The following CHLSN variants were observed in gnomAD, a reference collection of about 807,000 sequenced individuals.
CHLSN encodes protein cholesin.
chr7:1,009,918 G>C, the CHLSN span: 1 of 1,500,996 alleles, frequency 6.7e-7, no homozygotes, highest in East Asian at 2.5e-5. Context: ...ACGCACGTCC[G>C]GGACAGAACC....
the CHLSN span, among the ~76,000 whole-genome samples, chr7:1,071,158 C>G: frequency 1.3e-5 from 2 of 152,238 alleles, no homozygotes; most frequent in South Asian, 4.1e-4. Flanking sequence ...CGCGGCTGTT[C>G]AAGCAAAGCC....
the CHLSN span, among the ~76,000 whole-genome samples, chr7:1,038,261 G>C: frequency 1.3e-3 from 127 of 95,084 alleles, 7 homozygotes; most frequent in African/African-American, 4.4e-3. Flanking sequence ...AGGTGGGGGG[G>C]TCAGCCCCCC....
At chr7:1,033,744 G>A in the CHLSN span, among the ~76,000 whole-genome samples, 3 of 151,948 alleles carry the variant, frequency 2.0e-5, no homozygotes, top group Admixed American at 6.5e-5. Flanking sequence ...CCAGGAAATC[G>A]GTAACGGGGG....
chr7:1,118,056 T>G, the CHLSN span, among the ~76,000 whole-genome samples: 1 of 152,202 alleles, frequency 6.6e-6, no homozygotes, highest in African/African-American at 2.4e-5. Context: ...AGAGCCACAC[T>G]ATGTTTCCTT....
chr7:1,044,955 G>C, the CHLSN span, among the ~76,000 whole-genome samples: 1 of 152,266 alleles, frequency 6.6e-6, no homozygotes, highest in Non-Finnish European at 1.5e-5. Flanking sequence ...GCTCTCCCAT[G>C]TCCGACAGGG....
the CHLSN span, among the ~76,000 whole-genome samples, chr7:1,016,128 AG>A: frequency 1.1e-5 from 1 of 92,412 alleles, no homozygotes; most frequent in Admixed American, 1.1e-4. Flanking sequence ...AGCACACAGC[AG>A]CACACGCCAG....
chr7:987,477 C>T, the CHLSN span: 50 of 1,558,892 alleles, frequency 3.2e-5, no homozygotes, highest in East Asian at 4.0e-4. Context: ...TCCTGCCGCA[C>T]GTGCCCCGCT....
chr7:1,092,292 C>T, the CHLSN span: 1 of 1,611,838 alleles, frequency 6.2e-7, no homozygotes, highest in African/African-American at 1.3e-5. Flanking sequence ...CCGTGTCAGC[C>T]ACGCTGGTGC....
the CHLSN span, among the ~76,000 whole-genome samples, chr7:1,134,467 G>C: frequency 2.6e-5 from 4 of 151,594 alleles, no homozygotes; most frequent in African/African-American, 9.7e-5. Flanking sequence ...CCAGCTACTC[G>C]GGAGGCTGAG....
At chr7:1,136,137 CATAAATAT>C in the CHLSN span, among the ~76,000 whole-genome samples, 1 of 74,888 alleles carries the variant, frequency 1.3e-5, no homozygotes, top group South Asian at 4.5e-4. Flanking sequence ...TAAATATATA[CATAAATAT>C]ATAAATATAT....
At chr7:1,016,421 G>A in the CHLSN span, among the ~76,000 whole-genome samples, 12 of 29,000 alleles carry the variant, frequency 4.1e-4, no homozygotes, top group Admixed American at 1.8e-3. Flanking sequence ...AGCAGCGCAC[G>A]CCAGCACACA....
the CHLSN span, chr7:1,025,933 C>T: frequency 0.42 from 64,085 of 152,136 alleles, 14,705 homozygotes; most frequent in African/African-American, 0.62. Context: ...CTTCTGCCTC[C>T]GGCCAGGTGG....
chr7:1,093,773 G>GAAA, the CHLSN span: 1 of 438,480 alleles, frequency 2.3e-6, no homozygotes, highest in South Asian at 1.7e-5. Flanking sequence ...TGAGGCTGGT[G>GAAA]ACGTTCAGCC....
At chr7:1,000,690 G>T in the CHLSN span, 1 of 654,092 alleles carries the variant, frequency 1.5e-6, no homozygotes, top group Non-Finnish European at 2.6e-6. Flanking sequence ...CATGTGAAGA[G>T]GGTTTTTGGA....
chr7:1,017,577 G>A, the CHLSN span, among the ~76,000 whole-genome samples: 1 of 152,332 alleles, frequency 6.6e-6, no homozygotes, highest in South Asian at 2.1e-4. Context: ...ACAGCGGGGT[G>A]GAGGACAGCG....
chr7:1,055,551 A>C, the CHLSN span: 1 of 421,524 alleles, frequency 2.4e-6, no homozygotes, highest in Admixed American at 2.5e-5. Flanking sequence ...CAGGCAGGAG[A>C]GGGGACGTGG....
At chr7:1,091,505 C>G in the CHLSN span, 28,295 of 527,840 alleles carry the variant, frequency 0.054, 1,018 homozygotes, top group Middle Eastern at 0.085. Flanking sequence ...CTCGCCTCCA[C>G]GGATGCACCA....
chr7:1,052,856 C>A, the CHLSN span, among the ~76,000 whole-genome samples: 1 of 152,156 alleles, frequency 6.6e-6, no homozygotes, highest in African/African-American at 2.4e-5. This position sits in a 1 kb window ranked among gnomAD's most constrained non-coding sequence, Gnocchi z 4.2. Flanking sequence ...TGTGGTCTCT[C>A]CTGCCTTCTG....
the CHLSN span, chr7:1,093,891 C>G: frequency 6.0e-6 from 2 of 332,846 alleles, no homozygotes; most frequent in South Asian, 4.8e-5. Context: ...GAGAATCCCT[C>G]CCCCCTCACA....
Sources: allele counts gnomAD v4.1 joint callset (sites outside exome capture counted in the v4.1 genomes callset), GRCh38; gene constraint gnomAD v4.1.1; non-coding constraint Gnocchi (gnomAD v3.1); transcripts MANE v1.5; gene names NCBI Gene and HGNC (gene_info 2026-07-23, HGNC 2026-07-21).